Variants in CDH13 observed in about 807,000 individuals in gnomAD.
The protein encoded by CDH13 is cadherin 13.
A neutral mutation model predicts 63.8 loss-of-function variants in CDH13; 24 were observed. The observed-to-expected ratio is 0.38, with a 90% CI of 0.27 to 0.53. The LOEUF (loss-of-function observed/expected upper bound fraction) is 0.53. CDH13 is among the 20% of genes least tolerant of loss of function. The probability of loss-of-function intolerance (pLI) is 0.85; values close to 1 mark genes in which losing one functional copy is unlikely to be tolerated. For missense variants in CDH13, 1,049 were observed against 903.1 expected (o/e 1.16, Z -2.07); for synonymous variants, 503 against 355.3 (o/e 1.42, Z -4.67).
chr16:83,490,621 G>T (rs567797372), intron 7 of CDH13, among the ~76,000 whole-genome samples: 5 of 152,298 alleles, frequency 3.3e-5, no homozygotes, highest in African/African-American at 1.2e-4. Flanking sequence ...CATGCAATTT[G>T]TGGGATGATG....
intron 1 of CDH13, among the ~76,000 whole-genome samples, chr16:82,686,569 G>A (rs927851207): frequency 6.6e-6 from 1 of 152,234 alleles, no homozygotes; most frequent in African/African-American, 2.4e-5. Flanking sequence ...GACTATGGAA[G>A]ATGAGTCCAT....
At chr16:83,178,994 A>T (rs1290607352) in intron 4 of CDH13, among the ~76,000 whole-genome samples, 1 of 152,132 alleles carries the variant, frequency 6.6e-6, no homozygotes, top group African/African-American at 2.4e-5. Flanking sequence ...GTCAAAAAGG[A>T]GGTATATTTT....
intron 5 of CDH13, among the ~76,000 whole-genome samples, chr16:83,264,634 T>C (rs1158308166): frequency 6.6e-6 from 1 of 151,966 alleles, no homozygotes; most frequent in Non-Finnish European, 1.5e-5. Context: ...TTCTTTTTGA[T>C]TGAAGAAATA....
chr16:82,993,270 C>T (rs1184519522), intron 2 of CDH13, among the ~76,000 whole-genome samples: 1 of 152,152 alleles, frequency 6.6e-6, no homozygotes, highest in Non-Finnish European at 1.5e-5. Flanking sequence ...CTTGGGCTCT[C>T]CCACCGTAGA....
chr16:83,108,500 G>A (rs933258915), intron 3 of CDH13, among the ~76,000 whole-genome samples: 2 of 152,174 alleles, frequency 1.3e-5, no homozygotes, highest in Admixed American at 6.5e-5. Context: ...TGAATCCCAG[G>A]TTACCACAGA....
intron 2 of CDH13, among the ~76,000 whole-genome samples, chr16:83,010,812 C>T (rs142583298): frequency 6.6e-6 from 1 of 152,296 alleles, no homozygotes; most frequent in African/African-American, 2.4e-5. Flanking sequence ...TATTTAATGT[C>T]ATTTACTAGT....
At chr16:83,272,300 A>C (rs1021435291) in intron 5 of CDH13, among the ~76,000 whole-genome samples, 2 of 152,298 alleles carry the variant, frequency 1.3e-5, no homozygotes, top group Non-Finnish European at 2.9e-5. Context: ...CAGGGGTTAG[A>C]TCTGGACAAG....
intron 7 of CDH13, among the ~76,000 whole-genome samples, chr16:83,562,250 T>G (rs532162737): frequency 1.1e-4 from 16 of 152,306 alleles, no homozygotes; most frequent in African/African-American, 3.6e-4. Flanking sequence ...AATTCTTGAT[T>G]GTGTTAGTGC....
At chr16:83,560,060 C>T (rs928021250) in intron 7 of CDH13, among the ~76,000 whole-genome samples, 1 of 152,158 alleles carries the variant, frequency 6.6e-6, no homozygotes, top group Non-Finnish European at 1.5e-5. Flanking sequence ...AACACCCCAG[C>T]TCCTTCTAAT....
chr16:83,399,181 C>T (rs2091930928), intron 6 of CDH13, among the ~76,000 whole-genome samples: 1 of 152,184 alleles, frequency 6.6e-6, no homozygotes, highest in Admixed American at 6.5e-5. Flanking sequence ...TGAACATGCT[C>T]CTTTTTTGGC....
chr16:83,506,833 A>T (rs748939451), intron 7 of CDH13, among the ~76,000 whole-genome samples: 3 of 152,216 alleles, frequency 2.0e-5, no homozygotes, highest in Non-Finnish European at 4.4e-5. Flanking sequence ...AATAGCCAGC[A>T]TCAATTCTTT....
chr16:83,439,842 A>G (rs1567673549), intron 6 of CDH13, among the ~76,000 whole-genome samples: 2 of 152,304 alleles, frequency 1.3e-5, no homozygotes, highest in Non-Finnish European at 1.5e-5. Flanking sequence ...ATTTATTCAT[A>G]TATTTAGTGA....
intron 2 of CDH13, among the ~76,000 whole-genome samples, chr16:82,956,578 C>T (rs978395872): frequency 1.3e-5 from 2 of 152,152 alleles, no homozygotes; most frequent in Non-Finnish European, 2.9e-5. Flanking sequence ...ATCATCATTA[C>T]CCCCGAGTTT....
chr16:82,683,404 G>A (rs1427750961), intron 1 of CDH13, among the ~76,000 whole-genome samples: 1 of 152,168 alleles, frequency 6.6e-6, no homozygotes, highest in African/African-American at 2.4e-5. Flanking sequence ...GCTGCAAAGT[G>A]GCCATGCCAT....
At chr16:83,267,328 C>G (rs954369139) in intron 5 of CDH13, among the ~76,000 whole-genome samples, 1 of 152,090 alleles carries the variant, frequency 6.6e-6, no homozygotes, top group African/African-American at 2.4e-5. Flanking sequence ...ATTCAGAGCC[C>G]GGCTGGATTA....
At chr16:83,786,428 G>C (rs1267706818) in intron 13 of CDH13, among the ~76,000 whole-genome samples, 1 of 152,160 alleles carries the variant, frequency 6.6e-6, no homozygotes, top group East Asian at 1.9e-4. Context: ...TCTAGATTAC[G>C]ACTTGAGCTT....
At chr16:83,147,051 G>A (rs1032425777) in intron 4 of CDH13, among the ~76,000 whole-genome samples, 2 of 152,068 alleles carry the variant, frequency 1.3e-5, no homozygotes, top group African/African-American at 4.8e-5. Flanking sequence ...TCACGCCGCT[G>A]TACTCTGGCC....
chr16:83,173,513 T>C (rs1349596546), intron 4 of CDH13, among the ~76,000 whole-genome samples: 7 of 152,032 alleles, frequency 4.6e-5, no homozygotes, highest in East Asian at 1.9e-4. Context: ...CCAGACAAAA[T>C]ACAAGACCCC....
intron 4 of CDH13, among the ~76,000 whole-genome samples, chr16:83,130,683 C>A (rs939725709): frequency 6.6e-6 from 1 of 152,134 alleles, no homozygotes; most frequent in African/African-American, 2.4e-5. Context: ...TTAAGTTTAA[C>A]TAAATATAAA....
Sources: gnomAD v4.1 joint callset for allele counts (sites outside exome capture counted in the v4.1 genomes callset) on GRCh38, gnomAD v4.1.1 for gene constraint, MANE v1.5 for transcripts, NCBI Gene and HGNC (gene_info 2026-07-23, HGNC 2026-07-21) for gene names.